Variants in LRRIQ3 observed in about 807,000 individuals in gnomAD.
LRRIQ3 encodes the protein leucine-rich repeat and IQ domain-containing protein 3.
A neutral mutation model predicts 59.3 loss-of-function variants in LRRIQ3; 75 were observed. That is an observed-to-expected ratio of 1.26 (90% confidence interval 1.05 to 1.53). LRRIQ3 has a LOEUF of 1.53. Among genes scored for constraint, LRRIQ3 ranks in the 40% most tolerant of loss-of-function variants. LRRIQ3 has a pLI of 0.00. For synonymous variants in LRRIQ3, 250 were observed against 231.3 expected, an observed-to-expected ratio of 1.08 and a Z score of -0.73; for missense variants, 831 against 710.0, an observed-to-expected ratio of 1.17 and a Z score of -1.94.
chr1:74,106,269 G>A (rs574614071), intron 5 of LRRIQ3, among the ~76,000 whole-genome samples: 1 of 151,966 alleles, frequency 6.6e-6, no homozygotes, highest in African/African-American at 2.4e-5. Context: ...AAAAGTTTCT[G>A]GCCATCACTT....
At chr1:74,057,015 T>G (rs549658233) in intron 6 of LRRIQ3, among the ~76,000 whole-genome samples, 3 of 152,264 alleles carry the variant, frequency 2.0e-5, no homozygotes, top group African/African-American at 7.2e-5. Context: ...CCCTTTGCCT[T>G]CGCTATGATT....
chr1:74,052,931 CTTCT>C (rs1367426853), intron 6 of LRRIQ3, among the ~76,000 whole-genome samples: 4 of 152,006 alleles, frequency 2.6e-5, no homozygotes, highest in Non-Finnish European at 4.4e-5. Context: ...AAAATAACAT[CTTCT>C]TTGAGATACA....
At chr1:74,118,272 C>G (rs936783850) in intron 4 of LRRIQ3, among the ~76,000 whole-genome samples, 3 of 152,046 alleles carry the variant, frequency 2.0e-5, no homozygotes, top group African/African-American at 7.2e-5. Context: ...ACATTTTTCC[C>G]TTGTTCAAAC....
At chr1:74,163,816 T>C (rs2100684826) in intron 3 of LRRIQ3, among the ~76,000 whole-genome samples, 1 of 151,626 alleles carries the variant, frequency 6.6e-6, no homozygotes, top group Admixed American at 6.6e-5. Flanking sequence ...CCATGTTTAG[T>C]TTTTTCAGAA....
chr1:74,118,602 T>C (rs944956790), intron 4 of LRRIQ3, among the ~76,000 whole-genome samples: 11 of 152,068 alleles, frequency 7.2e-5, no homozygotes, highest in African/African-American at 2.7e-4. Context: ...ATTTTTGTAG[T>C]ATAAGTTTCA....
At chr1:74,056,070 G>A (rs542549951) in intron 6 of LRRIQ3, among the ~76,000 whole-genome samples, 2 of 151,280 alleles carry the variant, frequency 1.3e-5, no homozygotes, top group African/African-American at 4.8e-5. Context: ...GCTCCAAGTC[G>A]GGAGGTGGAG....
intron 1 of LRRIQ3, among the ~76,000 whole-genome samples, chr1:74,191,467 CCAA>C (rs1309803788): frequency 6.6e-6 from 1 of 151,930 alleles, no homozygotes; most frequent in East Asian, 1.9e-4. Context: ...TTTAATTCAT[CCAA>C]CAACAACAGA....
At chr1:74,114,968 A>G (rs191475675) in intron 4 of LRRIQ3, among the ~76,000 whole-genome samples, 3 of 152,054 alleles carry the variant, frequency 2.0e-5, no homozygotes, top group African/African-American at 7.2e-5. Context: ...TTAATTTTAC[A>G]TGGCTCCTAT....
At chr1:74,140,960 A>T (rs1466422236) in intron 4 of LRRIQ3, among the ~76,000 whole-genome samples, 1 of 151,886 alleles carries the variant, frequency 6.6e-6, no homozygotes, top group East Asian at 1.9e-4. Flanking sequence ...TATAAGGTCT[A>T]TGAAGTCTTT....
chr1:74,045,819 A>G (rs928434623), intron 6 of LRRIQ3, among the ~76,000 whole-genome samples: 1 of 152,154 alleles, frequency 6.6e-6, no homozygotes, highest in African/African-American at 2.4e-5. Flanking sequence ...TACCAATAAA[A>G]GACAAACAGC....
chr1:74,164,469 G>A (rs1393593395), intron 3 of LRRIQ3, among the ~76,000 whole-genome samples: 32 of 151,360 alleles, frequency 2.1e-4, no homozygotes, highest in Admixed American at 2.0e-3. Context: ...CTTTGCTGAT[G>A]CCTCAATCTT....
At chr1:74,053,693 C>CAAAT (rs1553162508) in intron 6 of LRRIQ3, among the ~76,000 whole-genome samples, 9 of 151,636 alleles carry the variant, frequency 5.9e-5, no homozygotes, top group East Asian at 1.9e-4. Context: ...TCTCTAAAAG[C>CAAAT]AAATAAATAA....
chr1:74,163,203 A>T (rs1648761457), intron 3 of LRRIQ3, among the ~76,000 whole-genome samples: 1 of 151,444 alleles, frequency 6.6e-6, no homozygotes, highest in Non-Finnish European at 1.5e-5. Context: ...CAATCCCATA[A>T]GTGTTTATTT....
intron 3 of LRRIQ3, among the ~76,000 whole-genome samples, chr1:74,178,652 CTTCT>C (rs989327459): frequency 3.9e-5 from 6 of 152,044 alleles, no homozygotes; most frequent in African/African-American, 1.2e-4. Context: ...AAGAATCTTC[CTTCT>C]TTTTTATTAA....
At chr1:74,118,531 TTC>T (rs1473013732) in intron 4 of LRRIQ3, among the ~76,000 whole-genome samples, 1 of 152,034 alleles carries the variant, frequency 6.6e-6, no homozygotes, top group Non-Finnish European at 1.5e-5. Flanking sequence ...CTTGCTCTCT[TTC>T]TCTCTCGGTC....
At chr1:74,090,462 T>G (rs1004282481) in intron 5 of LRRIQ3, among the ~76,000 whole-genome samples, 1 of 152,020 alleles carries the variant, frequency 6.6e-6, no homozygotes, top group African/African-American at 2.4e-5. Context: ...AGATAATGAT[T>G]ATCAGGTCAA....
intron 6 of LRRIQ3, among the ~76,000 whole-genome samples, chr1:74,044,833 C>A (rs971602844): frequency 6.6e-6 from 1 of 152,076 alleles, no homozygotes; most frequent in Non-Finnish European, 1.5e-5. Flanking sequence ...ACGATAAACA[C>A]CTCTATGCAA....
chr1:74,189,609 C>T (rs1650627499), intron 1 of LRRIQ3, among the ~76,000 whole-genome samples: 1 of 152,096 alleles, frequency 6.6e-6, no homozygotes, highest in Non-Finnish European at 1.5e-5. Flanking sequence ...CCATAATTTC[C>T]ACTTGCTGTG....
intron 4 of LRRIQ3, among the ~76,000 whole-genome samples, chr1:74,118,631 G>C (rs562943752): frequency 2.6e-5 from 4 of 151,880 alleles, no homozygotes; most frequent in Non-Finnish European, 4.4e-5. Context: ...TATTGCTGGC[G>C]TAAGAGTGTA....
Sources: allele counts gnomAD v4.1 joint callset (sites outside exome capture counted in the v4.1 genomes callset), GRCh38; gene constraint gnomAD v4.1.1; transcripts MANE v1.5; gene names NCBI Gene and HGNC (gene_info 2026-07-23, HGNC 2026-07-21).